NTRK2: variants seen among roughly 807,000 people sequenced by gnomAD.
NTRK2 encodes BDNF/NT-3 growth factors receptor.
A neutral mutation model predicts 94.5 loss-of-function variants in NTRK2; 13 were observed. The observed-to-expected ratio is 0.14, with a 90% confidence interval of 0.09 to 0.22. The LOEUF (loss-of-function observed/expected upper bound fraction) is 0.22. Among genes scored for constraint, NTRK2 ranks in the 10% least tolerant of loss-of-function variants. NTRK2 has a pLI of 1.00. For missense variants in NTRK2, 639 were observed against 1,071.2 expected, an observed-to-expected ratio of 0.60 and a Z score of 5.63; for synonymous variants, 372 against 407.4, an observed-to-expected ratio of 0.91 and a Z score of 1.05.
chr9:84,670,699 G>C lies in NTRK2; in HGVS notation c.-50G>C. On this transcript the variant is annotated 5_prime_UTR_variant, in exon 2 of 19. Coordinates refer to ENST00000277120, the MANE Select transcript of NTRK2 (RefSeq NM_006180.6). ...CCTCCCCGCACGGGTGGGGGAAAGC[G>C]GCCGGTGCAGCGCGGGGACAGGCAC... is the stretch of plus-strand genomic sequence containing the variant. 1 of 1,586,252 alleles carries C rather than the reference G, an allele frequency of 6.3e-7. No individual in the cohort carries two copies. The highest frequency in any genetic ancestry group is 8.6e-7 in the Non-Finnish European group (1 of 1,161,326).
chr9:84,814,379 T>C (rs2072149615), intron 12 of NTRK2: 5 of 1,065,754 alleles, frequency 4.7e-6, no homozygotes, highest in South Asian at 9.1e-5. Context: ...GAGAGCATAA[T>C]GGAGGGAAGC....
In NTRK2 at chr9:84,696,304, G is replaced by A. The variant is rs565975601; in HGVS notation, c.213-5855G>A. Among the ~76,000 whole-genome samples the A allele has an allele frequency of 3.3e-5, 5 of 152,276 alleles. No individual in the cohort carries two copies. In the South Asian group the frequency reaches 6.2e-4, roughly 19 times the overall value. ...CAGGTGTGAGCCACTGTGGCTAGCT[G>A]GTTTTTATCACTTAAATAAATAAGT... On this transcript the variant is annotated intron_variant, in intron 2 of 18. Coordinates refer to ENST00000277120, the MANE Select transcript of NTRK2 (RefSeq NM_006180.6).
intron 17 of NTRK2, among the ~76,000 whole-genome samples, chr9:85,003,481 C>G (rs1269464972): frequency 6.6e-6 from 1 of 152,022 alleles, no homozygotes; most frequent in Admixed American, 6.6e-5. Context: ...GAAAGAGAGC[C>G]AACGTGGCTT....
In NTRK2 at chr9:84,946,518, T is replaced by G. The variant is rs1256964055; in HGVS notation, c.1765-1944T>G. Among the ~76,000 whole-genome samples the G allele has an allele frequency of 5.3e-5, 8 of 152,292 alleles. 1 individual carries two copies. Among genetic ancestry groups the G allele is most frequent in the Admixed American group, 4.6e-4 (7 of 15,304 alleles). Reference sequence around the variant, plus strand: ...GTCTGTGATGTGATAGAGGTAAGCATGAGGTGCACCTAGCAGAGTCAACCA... The same window carrying G: ...GTCTGTGATGTGATAGAGGTAAGCAGGAGGTGCACCTAGCAGAGTCAACCA... On this transcript the variant is annotated intron_variant, in intron 15 of 18. Coordinates refer to ENST00000277120, the MANE Select transcript of NTRK2 (RefSeq NM_006180.6).
rs116601750 is a variant in NTRK2, at chr9:84,833,452, A to G, written c.1397-27588A>G. Reference sequence around the variant, plus strand: ...ATGAGAAAAAGAAAGGAAAGAAAAAAAGGAAGGAAGGAAGGAAAAAAGGAA... The same window carrying G: ...ATGAGAAAAAGAAAGGAAAGAAAAAGAGGAAGGAAGGAAGGAAAAAAGGAA... On this transcript the variant is annotated intron_variant, in intron 12 of 18. Coordinates refer to ENST00000277120, the MANE Select transcript of NTRK2 (RefSeq NM_006180.6). Among the ~76,000 whole-genome samples, 825 of 151,960 alleles carry G rather than the reference A, an allele frequency of 5.4e-3. 12 individuals are homozygous for G. Among genetic ancestry groups the G allele is most frequent in the African/African-American group, 0.019 (780 of 41,422 alleles).
In NTRK2 at chr9:85,022,114, A is replaced by G. The variant is rs1832814171; in HGVS notation, c.*677A>G. 1 of 233,348 alleles carries G rather than the reference A, an allele frequency of 4.3e-6. No individual in the cohort carries two copies. The highest frequency in any genetic ancestry group is 2.2e-5 in the African/African-American group (1 of 45,360). The allele number at this position is 233,348 out of a possible 1,614,324, so 14.5% of individuals were successfully genotyped here. ...GAAAGAAGATTTATTATGAACCGCA[A>G]TATGGGAGGAACAAAGACAACCACT... On this transcript the variant is annotated 3_prime_UTR_variant, in exon 19 of 19. Transcript: ENST00000277120.
intron 12 of NTRK2, among the ~76,000 whole-genome samples, chr9:84,786,044 C>T (rs1386901227): frequency 6.6e-6 from 1 of 152,126 alleles, no homozygotes; most frequent in African/African-American, 2.4e-5. Context: ...TTCCAAAAGT[C>T]GCCCATGCCT....
chr9:84,753,736 T>C (rs2064841579), intron 12 of NTRK2, among the ~76,000 whole-genome samples: 1 of 152,220 alleles, frequency 6.6e-6, no homozygotes, highest in African/African-American at 2.4e-5. Context: ...TTAGAGGCAC[T>C]TGGACTGGAT....
intron 12 of NTRK2, among the ~76,000 whole-genome samples, chr9:84,763,843 T>A (rs769282123): frequency 9.9e-4 from 151 of 151,900 alleles, no homozygotes; most frequent in Non-Finnish European, 1.7e-3. Context: ...TTTTTTTTTT[T>A]ATTGAGTTTC....
At chr9:84,913,350 A>G (rs1370099006) in intron 14 of NTRK2, among the ~76,000 whole-genome samples, 3 of 151,948 alleles carry the variant, frequency 2.0e-5, no homozygotes, top group Admixed American at 1.3e-4. Flanking sequence ...TCTTTATTCC[A>G]CTTTACTTTC....
At chr9:84,722,127 T>A (rs1220771453) in intron 6 of NTRK2, among the ~76,000 whole-genome samples, 1 of 151,652 alleles carries the variant, frequency 6.6e-6, no homozygotes, top group Non-Finnish European at 1.5e-5. Flanking sequence ...TGTTATATAT[T>A]TCATTGCCCT....
At chr9:84,859,342 C>T (rs2075221912) in intron 12 of NTRK2, among the ~76,000 whole-genome samples, 1 of 152,206 alleles carries the variant, frequency 6.6e-6, no homozygotes, top group African/African-American at 2.4e-5. Flanking sequence ...CACTTCTACC[C>T]TCTCAAATAC....
At chr9:84,804,222 G>T (rs1405692587) in intron 12 of NTRK2, among the ~76,000 whole-genome samples, 1 of 151,820 alleles carries the variant, frequency 6.6e-6, no homozygotes, top group Non-Finnish European at 1.5e-5. Flanking sequence ...TTCAATAATT[G>T]TGTTCAGTCT....
At chr9:84,973,739 C>T (rs1359360319) in intron 17 of NTRK2, among the ~76,000 whole-genome samples, 1 of 152,188 alleles carries the variant, frequency 6.6e-6, no homozygotes, top group African/African-American at 2.4e-5. Flanking sequence ...GGACAGCGTT[C>T]ATCAGATCAG....
At chr9:84,801,478 T>G (rs2070442990) in intron 12 of NTRK2, among the ~76,000 whole-genome samples, 1 of 152,238 alleles carries the variant, frequency 6.6e-6, no homozygotes, top group Non-Finnish European at 1.5e-5. Flanking sequence ...GTGATGAGCA[T>G]TCAGTAGAAA....
chr9:84,939,067 A>AAAAAAAAAAAAG (rs1554772373), intron 15 of NTRK2, among the ~76,000 whole-genome samples: 1 of 144,654 alleles, frequency 6.9e-6, no homozygotes, highest in African/African-American at 2.6e-5. Context: ...AAAAAAAAAA[A>AAAAAAAAAAAAG]AAAAGAAAAG....
intron 12 of NTRK2, among the ~76,000 whole-genome samples, chr9:84,851,667 G>T (rs1366853801): frequency 6.6e-6 from 1 of 152,212 alleles, no homozygotes; most frequent in Non-Finnish European, 1.5e-5. Context: ...GTGCTGAAAG[G>T]TGACATGAAA....
At chr9:84,962,757 C>T (rs530554540) in intron 17 of NTRK2, among the ~76,000 whole-genome samples, 1 of 152,152 alleles carries the variant, frequency 6.6e-6, no homozygotes, top group Non-Finnish European at 1.5e-5. Flanking sequence ...TCACTCAGAC[C>T]AGAGCCTCTT....
rs796444559 is a variant in NTRK2, at chr9:84,743,395, TA to T, written c.1195+1469del. On this transcript the variant is annotated intron_variant, in intron 10 of 18. Coordinates refer to ENST00000277120, the MANE Select transcript of NTRK2 (RefSeq NM_006180.6). ...TATAAAATGAGCCTGTCTGTATGTT[TA>T]TTATATGCGTGTGTATTTAACCTGA... is the stretch of plus-strand genomic sequence containing the variant. Among the ~76,000 whole-genome samples, 11 of 152,354 alleles carry T rather than the reference TA, an allele frequency of 7.2e-5. 1 individual carries two copies. The highest frequency in any genetic ancestry group is 2.6e-4 in the African/African-American group (11 of 41,574).
Sources: gnomAD v4.1 joint callset for allele counts (sites outside exome capture counted in the v4.1 genomes callset) on GRCh38, gnomAD v4.1.1 for gene constraint, MANE v1.5 for transcripts, NCBI Gene and HGNC (gene_info 2026-07-23, HGNC 2026-07-21) for gene names.